The following ANKIB1 variants were observed in gnomAD, a reference collection of about 807,000 sequenced individuals.
ANKIB1 encodes ankyrin repeat and IBR domain-containing protein 1.
ANKIB1 carries 43 observed loss-of-function variants against 122.1 expected under a neutral mutation model. The ratio of observed to expected loss-of-function variants is 0.35; its 90% CI spans 0.28 to 0.45. The LOEUF is 0.45. ANKIB1 is among the 20% of genes least tolerant of loss of function. The probability of loss-of-function intolerance (pLI) is 1.00; values close to 1 mark genes in which losing one functional copy is unlikely to be tolerated. For synonymous variants in ANKIB1, 390 were observed against 442.0 expected (o/e 0.88, Z 1.48); for missense variants, 992 against 1,329.5 (o/e 0.75, Z 3.95).
At chr7:92,255,842 A>G (rs376803905) in intron 1 of ANKIB1, among the ~76,000 whole-genome samples, 7 of 152,174 alleles carry the variant, frequency 4.6e-5, no homozygotes, top group African/African-American at 1.7e-4. Flanking sequence ...TGTTGGGAAC[A>G]TGGGACTTTA....
At chr7:92,292,474 T>G (rs1453077770) in intron 1 of ANKIB1, among the ~76,000 whole-genome samples, 1 of 152,222 alleles carries the variant, frequency 6.6e-6, no homozygotes, top group East Asian at 1.9e-4. Context: ...TTATTTTTCT[T>G]ATAGAATATT....
At chr7:92,254,142 A>G (rs1287109817) in intron 1 of ANKIB1, among the ~76,000 whole-genome samples, 1 of 152,212 alleles carries the variant, frequency 6.6e-6, no homozygotes, top group Non-Finnish European at 1.5e-5. Flanking sequence ...TCTAGGACCT[A>G]GTAGCCCAGC....
chr7:92,381,451 A>T (rs961523260), intron 11 of ANKIB1, among the ~76,000 whole-genome samples: 5 of 152,202 alleles, frequency 3.3e-5, no homozygotes, highest in Admixed American at 2.6e-4. Context: ...AGATTCACCA[A>T]TGTTGAAATG....
intron 1 of ANKIB1, among the ~76,000 whole-genome samples, chr7:92,264,901 T>C (rs575468638): frequency 6.6e-6 from 1 of 152,276 alleles, no homozygotes; most frequent in East Asian, 1.9e-4. Context: ...ATAGATTCAG[T>C]GATAGAGAAT....
At chr7:92,350,212 A>G (rs1232276556) in intron 7 of ANKIB1, among the ~76,000 whole-genome samples, 1 of 152,080 alleles carries the variant, frequency 6.6e-6, no homozygotes, top group African/African-American at 2.4e-5. Context: ...AAACTATGCT[A>G]TATTTTAATG....
At chr7:92,325,696 G>T (rs1264705324) in intron 4 of ANKIB1, among the ~76,000 whole-genome samples, 1 of 147,018 alleles carries the variant, frequency 6.8e-6, no homozygotes, top group Non-Finnish European at 1.5e-5. Context: ...TATTTTCCTT[G>T]TGAAAAAAAT....
rs576101463 is a variant in ANKIB1 at position 92,292,827 on chromosome 7, A to T, written c.-90-2062A>T. Among the ~76,000 whole-genome samples the T allele has an allele frequency of 2.0e-5, 3 of 152,336 alleles. No individual in the cohort carries two copies. The East Asian group carries it at 5.8e-4, about 29-fold the overall frequency. ...CACACAAACACACACATACACCTTT[A>T]AATAGGGTGGTTATGTATCAAAATG... On this transcript the variant is annotated intron_variant, in intron 1 of 19. Coordinates refer to ENST00000265742, the MANE Select transcript of ANKIB1 (RefSeq NM_019004.2).
intron 5 of ANKIB1, among the ~76,000 whole-genome samples, chr7:92,342,255 A>G (rs184081290): frequency 6.6e-6 from 1 of 152,304 alleles, no homozygotes; most frequent in African/African-American, 2.4e-5. Flanking sequence ...AACTTCCTTC[A>G]GTCTTGATTT....
At chr7:92,279,926 C>G (rs1397092712) in intron 1 of ANKIB1, among the ~76,000 whole-genome samples, 1 of 152,164 alleles carries the variant, frequency 6.6e-6, no homozygotes, top group East Asian at 1.9e-4. Context: ...TTGTCAGCCT[C>G]TACGGGTCAG....
intron 1 of ANKIB1, among the ~76,000 whole-genome samples, chr7:92,249,438 C>T (rs537952094): frequency 8.5e-5 from 13 of 152,194 alleles, no homozygotes; most frequent in East Asian, 3.9e-4. Flanking sequence ...TAAGAATAAG[C>T]GGCCGGGTGC....
chr7:92,251,183 A>G (rs1562759582), intron 1 of ANKIB1, among the ~76,000 whole-genome samples: 1 of 152,214 alleles, frequency 6.6e-6, no homozygotes, highest in Admixed American at 6.5e-5. Flanking sequence ...CAATGACTAA[A>G]TTATAAATGG....
intron 18 of ANKIB1, among the ~76,000 whole-genome samples, chr7:92,397,512 G>A (rs1487235823): frequency 2.6e-5 from 4 of 151,456 alleles, no homozygotes; most frequent in Non-Finnish European, 5.9e-5. Context: ...AAAAAGTTAC[G>A]GATTTGAAGT....
intron 1 of ANKIB1, among the ~76,000 whole-genome samples, chr7:92,283,065 G>C (rs2131904313): frequency 6.6e-6 from 1 of 152,208 alleles, no homozygotes; most frequent in Admixed American, 6.5e-5. Context: ...CACTGTGAAA[G>C]CTATGTAGAT....
At chr7:92,299,633 T>G (rs1472225708) in intron 2 of ANKIB1, among the ~76,000 whole-genome samples, 1 of 152,198 alleles carries the variant, frequency 6.6e-6, no homozygotes, top group Admixed American at 6.5e-5. Flanking sequence ...TCCAGCTGTC[T>G]TCCATTAGAC....
chr7:92,338,927 AAAAAAAAT>A (rs1394561876), intron 5 of ANKIB1, among the ~76,000 whole-genome samples: 94 of 47,504 alleles, frequency 2.0e-3, no homozygotes, highest in South Asian at 3.4e-3. Context: ...AAAAAAAAAA[AAAAAAAAT>A]ATATATATAT....
intron 3 of ANKIB1, among the ~76,000 whole-genome samples, chr7:92,316,816 G>A (rs1802802267): frequency 6.6e-6 from 1 of 152,116 alleles, no homozygotes; most frequent in Non-Finnish European, 1.5e-5. Context: ...TTCTGTTAGG[G>A]TACAGCTTCT....
At chr7:92,318,306 A>G (rs528026775) in intron 3 of ANKIB1, among the ~76,000 whole-genome samples, 10 of 152,168 alleles carry the variant, frequency 6.6e-5, no homozygotes, top group Non-Finnish European at 1.3e-4. Context: ...ACCTGAAGTC[A>G]GGAGTTCAAG....
chr7:92,340,873 T>C (rs561022623), intron 5 of ANKIB1, among the ~76,000 whole-genome samples: 1 of 152,298 alleles, frequency 6.6e-6, no homozygotes, highest in African/African-American at 2.4e-5. Context: ...CATCAAACAA[T>C]GTTTGAATAC....
intron 1 of ANKIB1, among the ~76,000 whole-genome samples, chr7:92,269,811 T>A (rs951607223): frequency 1.3e-5 from 2 of 152,016 alleles, no homozygotes; most frequent in Admixed American, 1.3e-4. Flanking sequence ...TTAAAAAAAA[T>A]TATACTTTAA....
Sources: gnomAD v4.1 joint callset for allele counts (sites outside exome capture counted in the v4.1 genomes callset) on GRCh38, gnomAD v4.1.1 for gene constraint, MANE v1.5 for transcripts, NCBI Gene and HGNC (gene_info 2026-07-23, HGNC 2026-07-21) for gene names.